The following AIMP1 variants were observed in gnomAD, a reference collection of about 807,000 sequenced individuals.
AIMP1 encodes the protein aminoacyl tRNA synthase complex-interacting multifunctional protein 1.
A neutral mutation model predicts 33.1 loss-of-function variants in AIMP1; 24 were observed. The observed-to-expected ratio is 0.73, with a 90% CI of 0.53 to 1.02. The LOEUF (loss-of-function observed/expected upper bound fraction) is 1.02, where lower values mean the gene tolerates loss of function less well. Ranked by LOEUF, AIMP1 falls within the 50% of genes least tolerant of loss-of-function variation. AIMP1 has a pLI of 0.00. For synonymous variants in AIMP1, 120 were observed against 121.5 expected (o/e 0.99, Z 0.08); for missense variants, 367 against 364.8 (o/e 1.01, Z -0.05).
chr4:106,318,237 G>A (rs545096840), intron 1 of AIMP1, among the ~76,000 whole-genome samples: 67 of 152,214 alleles, frequency 4.4e-4, no homozygotes, highest in African/African-American at 1.5e-3. Context: ...TGGTTGCTGC[G>A]CTTACATATT....
chr4:106,338,735 A>C (rs1769986669), intron 6 of AIMP1, among the ~76,000 whole-genome samples: 1 of 152,190 alleles, frequency 6.6e-6, no homozygotes, highest in South Asian at 2.1e-4. Flanking sequence ...CTGTGAGAAG[A>C]GGGCCACTGT....
In AIMP1 at chr4:106,331,587, A is replaced by T. The variant is rs903414405; in HGVS notation, c.392-85A>T. ...CTTTTTATTTTTTCCTTTTAAGCTC[A>T]TTGGTATGGATACCATGGAGTTTTC... On this transcript the variant is annotated intron_variant, in intron 4 of 6. Coordinates refer to ENST00000672341, the MANE Select transcript of AIMP1 (RefSeq NM_001142416.2). 1.0e-5 allele frequency: 12 copies of T among 1,193,456 alleles called. No individual in the cohort carries two copies. In the Middle Eastern group the frequency reaches 1.9e-3, roughly 188 times the overall value. The allele number at this position is 1,193,456 out of a possible 1,614,324, so 73.9% of individuals were successfully genotyped here. A position where few individuals can be genotyped will look rare whatever the true frequency, so the allele number is the denominator to read the frequency against.
At chr4:106,327,410 T>G (rs1769493788) in intron 2 of AIMP1, 41 bp from the exon 3 acceptor site, 1 of 1,446,124 alleles carries the variant, frequency 6.9e-7, no homozygotes, top group Non-Finnish European at 9.7e-7. Flanking sequence ...ATACAAAACC[T>G]CTTTTAAAAA....
chr4:106,339,375 A>G (rs556076810), intron 6 of AIMP1, among the ~76,000 whole-genome samples: 1 of 152,266 alleles, frequency 6.6e-6, no homozygotes, highest in South Asian at 2.1e-4. Context: ...AGGTAATTGA[A>G]TCCTGGGGGA....
chr4:106,329,169 A>G (rs1485618420), intron 4 of AIMP1, among the ~76,000 whole-genome samples: 8 of 152,040 alleles, frequency 5.3e-5, no homozygotes, highest in African/African-American at 1.9e-4. Context: ...AGTTAAAAGT[A>G]GGTAGGGGCT....
intron 2 of AIMP1, among the ~76,000 whole-genome samples, chr4:106,325,766 T>C (rs1204120252): frequency 6.6e-6 from 1 of 152,150 alleles, no homozygotes; most frequent in Non-Finnish European, 1.5e-5. Flanking sequence ...ATGAATGTTT[T>C]ATAAAATCTC....
chr4:106,343,021 C>T (rs1169644458), intron 6 of AIMP1, among the ~76,000 whole-genome samples: 3 of 151,844 alleles, frequency 2.0e-5, no homozygotes, highest in Non-Finnish European at 1.5e-5. Flanking sequence ...CCTCCCACCT[C>T]AGCCTCCTAA....
intron 4 of AIMP1, among the ~76,000 whole-genome samples, chr4:106,330,766 G>T (rs1016543982): frequency 6.6e-6 from 1 of 152,156 alleles, no homozygotes; most frequent in Non-Finnish European, 1.5e-5. Context: ...AGTTGAGAAA[G>T]AATGCTTCCA....
chr4:106,317,929 C>T (rs1769032803), intron 1 of AIMP1, among the ~76,000 whole-genome samples: 12 of 152,162 alleles, frequency 7.9e-5, no homozygotes, highest in Admixed American at 7.9e-4. Context: ...GTAAGAGGGT[C>T]ATGGGAGGCC....
intron 1 of AIMP1, among the ~76,000 whole-genome samples, chr4:106,318,616 C>T (rs888764827): frequency 6.6e-6 from 1 of 152,154 alleles, no homozygotes; most frequent in East Asian, 1.9e-4. Context: ...AAGTTGTTGA[C>T]ATCTTTAAAT....
intron 5 of AIMP1, among the ~76,000 whole-genome samples, chr4:106,335,973 T>C (rs1320475578): frequency 4.0e-5 from 6 of 151,310 alleles, no homozygotes; most frequent in Non-Finnish European, 5.9e-5. Flanking sequence ...AAAAAATTTG[T>C]AGAACTAGCC....
intron 2 of AIMP1, among the ~76,000 whole-genome samples, chr4:106,327,078 C>A (rs1042116702): frequency 6.6e-6 from 1 of 152,172 alleles, no homozygotes; most frequent in African/African-American, 2.4e-5. Flanking sequence ...AGCCACTACA[C>A]CTGGCCACAT....
rs1325459847 is a variant in AIMP1, at chr4:106,347,781, C to T, written c.*89C>T. ...TCACTTATACCTAAAATATGAGTGGCTCATTTTTGCATTACTCTCTTCTAG... is the reference window on the plus strand; with the variant it reads ...TCACTTATACCTAAAATATGAGTGGTTCATTTTTGCATTACTCTCTTCTAG... On this transcript the variant is annotated 3_prime_UTR_variant, in exon 7 of 7. Transcript: ENST00000672341. The T allele has an allele frequency of 8.6e-6, 12 of 1,399,052 alleles. No homozygotes were observed. The East Asian group carries it at 2.5e-4, about 29-fold the overall frequency. 86.7% of individuals were successfully genotyped at this position (1,399,052 alleles called of 1,614,324 possible). A position where few individuals can be genotyped will look rare whatever the true frequency, so the allele number is the denominator to read the frequency against.
intron 5 of AIMP1, among the ~76,000 whole-genome samples, chr4:106,333,498 A>G (rs1478156474): frequency 2.0e-5 from 3 of 152,192 alleles, no homozygotes; most frequent in Admixed American, 6.5e-5. Flanking sequence ...TAGGTCTCCA[A>G]TGATTAATTA....
chr4:106,320,358 AAAG>A (rs1769167079), intron 1 of AIMP1, among the ~76,000 whole-genome samples: 1 of 152,206 alleles, frequency 6.6e-6, no homozygotes, highest in Non-Finnish European at 1.5e-5. Context: ...TAGTTAGTTC[AAAG>A]AACATGTTTA....
chr4:106,325,319 A>G (rs1306417977), intron 2 of AIMP1, among the ~76,000 whole-genome samples: 2 of 152,062 alleles, frequency 1.3e-5, no homozygotes, highest in Non-Finnish European at 2.9e-5. Flanking sequence ...TTTTATTTTC[A>G]GTAGTCAATG....
chr4:106,328,244 G>A lies in AIMP1; in HGVS notation c.391+1G>A, dbSNP rs1187727327. The A allele has an allele frequency of 3.1e-6, 5 of 1,602,662 alleles. No homozygotes were observed. Among genetic ancestry groups the A allele is most frequent in the Non-Finnish European group, 4.3e-6 (5 of 1,173,580 alleles). Reference sequence around the variant, plus strand: ...GCGAAAGAGAAAATTGAAAAGAAAGGTATTTTTGACCTTTAAGCATATTTA... The same window carrying A: ...GCGAAAGAGAAAATTGAAAAGAAAGATATTTTTGACCTTTAAGCATATTTA... On this transcript the variant is annotated splice_donor_variant, in intron 4 of 6. Transcript: ENST00000672341. LOFTEE classifies it high-confidence loss of function.
intron 1 of AIMP1, 36 bp downstream of exon 1, chr4:106,316,630 T>C (rs1561017375): frequency 1.3e-6 from 2 of 1,548,220 alleles, no homozygotes; most frequent in Non-Finnish European, 1.7e-6. Flanking sequence ...CACTCGGGGA[T>C]CGCCGATTGC....
intron 1 of AIMP1, among the ~76,000 whole-genome samples, chr4:106,322,051 G>A (rs1022753124): frequency 2.6e-5 from 4 of 152,158 alleles, no homozygotes; most frequent in African/African-American, 4.8e-5. Flanking sequence ...TAAGGGCGGT[G>A]CAAGATGTGC....
Sources: gnomAD v4.1 joint callset for allele counts (sites outside exome capture counted in the v4.1 genomes callset) on GRCh38, gnomAD v4.1.1 for gene constraint, MANE v1.5 for transcripts, NCBI Gene and HGNC (gene_info 2026-07-23, HGNC 2026-07-21) for gene names.